Variants in NEGR1 observed in about 807,000 individuals in gnomAD.
NEGR1 encodes neuronal growth regulator 1, also known as IgLON family member 4.
NEGR1 carries 10 observed loss-of-function variants against 40.9 expected under a neutral mutation model. The observed-to-expected ratio is 0.24, with a 90% CI of 0.15 to 0.42. The LOEUF (loss-of-function observed/expected upper bound fraction) is 0.42, where lower values mean the gene tolerates loss of function less well. NEGR1 is among the 10% of genes least tolerant of loss of function. The pLI is 1.00. For missense variants in NEGR1, 352 were observed against 438.9 expected (o/e 0.80, Z 1.77); for synonymous variants, 185 against 166.8 (o/e 1.11, Z -0.84).
intron 6 of NEGR1, among the ~76,000 whole-genome samples, chr1:71,465,065 C>A (rs1353354991): frequency 6.6e-6 from 1 of 152,040 alleles, no homozygotes; most frequent in African/African-American, 2.4e-5. Flanking sequence ...GCTTGGATGC[C>A]ATTTCAGACT....
At chr1:71,957,005 T>G (rs1293567524) in intron 1 of NEGR1, among the ~76,000 whole-genome samples, 2 of 152,162 alleles carry the variant, frequency 1.3e-5, no homozygotes. Flanking sequence ...TGAGCACATT[T>G]CCTCATCGCA....
intron 1 of NEGR1, among the ~76,000 whole-genome samples, chr1:72,229,748 G>T (rs35483896): frequency 0.13 from 19,441 of 151,718 alleles, 1,646 homozygotes; most frequent in Non-Finnish European, 0.19. Flanking sequence ...CTTTTTTAGA[G>T]AATTAGATTC....
At chr1:72,112,303 A>G (rs1025563423) in intron 1 of NEGR1, among the ~76,000 whole-genome samples, 1 of 150,970 alleles carries the variant, frequency 6.6e-6, no homozygotes, top group Non-Finnish European at 1.5e-5. Flanking sequence ...ATTTTTCTCT[A>G]CATAATTATC....
chr1:71,743,968 TGTA>T (rs1655299557), intron 3 of NEGR1, among the ~76,000 whole-genome samples: 1 of 152,160 alleles, frequency 6.6e-6, no homozygotes, highest in East Asian at 1.9e-4. Flanking sequence ...TGATCTGTCT[TGTA>T]GTTACTAGCC....
intron 1 of NEGR1, among the ~76,000 whole-genome samples, chr1:72,043,515 T>G (rs1015727806): frequency 2.6e-5 from 4 of 151,790 alleles, no homozygotes; most frequent in African/African-American, 4.8e-5. Context: ...TAAAATGACT[T>G]TAGAATGAAT....
intron 1 of NEGR1, among the ~76,000 whole-genome samples, chr1:72,064,682 C>A (rs921755823): frequency 6.6e-6 from 1 of 151,974 alleles, no homozygotes; most frequent in Admixed American, 6.6e-5. Flanking sequence ...ACACTGCAAC[C>A]ATTAATCATC....
intron 1 of NEGR1, among the ~76,000 whole-genome samples, chr1:72,121,971 T>G (rs905059519): frequency 1.3e-5 from 2 of 152,014 alleles, no homozygotes; most frequent in African/African-American, 4.8e-5. Context: ...TTATAATATT[T>G]TATGTAAATA....
intron 1 of NEGR1, among the ~76,000 whole-genome samples, chr1:72,080,260 C>T (rs1337015818): frequency 1.3e-5 from 2 of 151,944 alleles, no homozygotes; most frequent in East Asian, 3.9e-4. Flanking sequence ...AATAATCTTG[C>T]ATCTTTATAG....
intron 6 of NEGR1, among the ~76,000 whole-genome samples, chr1:71,586,218 G>T (rs1649301351): frequency 6.6e-6 from 1 of 152,044 alleles, no homozygotes; most frequent in South Asian, 2.1e-4. Context: ...TATGTTGCTT[G>T]ACTTTGGTCT....
chr1:72,162,223 G>A (rs146765537), intron 1 of NEGR1, among the ~76,000 whole-genome samples: 3 of 151,872 alleles, frequency 2.0e-5, no homozygotes, highest in Non-Finnish European at 2.9e-5. Flanking sequence ...AGGCCGAGGC[G>A]GGTGGATCAC....
chr1:72,156,941 TTTGTTGTTG>T (rs71074822), intron 1 of NEGR1, among the ~76,000 whole-genome samples: 4 of 149,760 alleles, frequency 2.7e-5, no homozygotes, highest in African/African-American at 9.8e-5. Flanking sequence ...TTGTATGTGT[TTTGTTGTTG>T]TTGTTGTTGT....
chr1:71,631,968 T>C (rs981094196), intron 4 of NEGR1, among the ~76,000 whole-genome samples: 6 of 151,782 alleles, frequency 4.0e-5, no homozygotes, highest in Admixed American at 3.9e-4. Context: ...AATGTTTTAA[T>C]ACTGTAATTC....
chr1:71,700,449 G>A (rs2101631275), intron 3 of NEGR1, among the ~76,000 whole-genome samples: 1 of 151,992 alleles, frequency 6.6e-6, no homozygotes, highest in East Asian at 1.9e-4. Context: ...GAACTATACA[G>A]CACTATATAA....
intron 1 of NEGR1, among the ~76,000 whole-genome samples, chr1:72,219,842 G>A (rs1477631310): frequency 2.0e-5 from 3 of 152,026 alleles, no homozygotes; most frequent in African/African-American, 7.2e-5. Flanking sequence ...AGTGAAGATT[G>A]CATCTATTAT....
chr1:72,276,746 C>G (rs1391302435), intron 1 of NEGR1, among the ~76,000 whole-genome samples: 1 of 152,100 alleles, frequency 6.6e-6, no homozygotes, highest in African/African-American at 2.4e-5. Flanking sequence ...GTCACTCAAT[C>G]AAATATAATT....
At chr1:71,842,159 T>C (rs1335073325) in intron 2 of NEGR1, among the ~76,000 whole-genome samples, 2 of 152,160 alleles carry the variant, frequency 1.3e-5, no homozygotes, top group East Asian at 3.9e-4. Context: ...TCTGTCCTTT[T>C]ATTTCCTTTT....
rs544631628 is a variant in NEGR1 at position 71,431,738 on chromosome 1, G to A, written c.941-24168C>T. 9.1e-4 allele frequency among the ~76,000 whole-genome samples: 138 copies of A among 152,202 alleles called. 1 individual carries two copies. Among genetic ancestry groups the A allele is most frequent in the Non-Finnish European group, 1.3e-3 (87 of 68,034 alleles). ...AAATAAACAAATAAAACATCAAGTA[G>A]TGATACATTCTAAAAAGACAGAATA... On this transcript the variant is annotated intron_variant, in intron 6 of 6. Transcript: ENST00000357731.
rs1570367886 is a variant in NEGR1 at position 71,803,592 on chromosome 1, A to T, written c.410-27295T>A. On this transcript the variant is annotated intron_variant, in intron 2 of 6. Transcript: ENST00000357731. Reference sequence around the variant, plus strand: ...GGGGCTATAACTTGTGGTTTCATTTATCTGGACTCTCCCTTCAGATATATG... The same window carrying T: ...GGGGCTATAACTTGTGGTTTCATTTTTCTGGACTCTCCCTTCAGATATATG... Among the ~76,000 whole-genome samples, 10 of 152,218 alleles carry T rather than the reference A, an allele frequency of 6.6e-5. 1 individual carries two copies. The South Asian group carries it at 2.1e-3, about 32-fold the overall frequency.
At chr1:72,069,360 C>A (rs1569910332) in intron 1 of NEGR1, among the ~76,000 whole-genome samples, 1 of 152,082 alleles carries the variant, frequency 6.6e-6, no homozygotes, top group Non-Finnish European at 1.5e-5. Flanking sequence ...GGGAGGATCA[C>A]CTGAGCCCAG....
Sources: allele counts gnomAD v4.1 joint callset (sites outside exome capture counted in the v4.1 genomes callset), GRCh38; gene constraint gnomAD v4.1.1; transcripts MANE v1.5; gene names NCBI Gene and HGNC (gene_info 2026-07-23, HGNC 2026-07-21).